DLG1: variants seen among roughly 807,000 people sequenced by gnomAD.
The protein encoded by DLG1 is discs large MAGUK scaffold protein 1, also known as disks large homolog 1.
In DLG1, 42 loss-of-function variants were observed where a neutral mutation model predicts 123.4. That is an observed-to-expected ratio of 0.34 (90% CI 0.27 to 0.44). The LOEUF is 0.44. Among genes scored for constraint, DLG1 ranks in the 20% least tolerant of loss-of-function variants. The pLI, the probability that DLG1 is intolerant of heterozygous loss-of-function variation, is 1.00. For missense variants in DLG1, 942 were observed against 1,082.6 expected (o/e 0.87, Z 1.82); for synonymous variants, 317 against 356.2 (o/e 0.89, Z 1.24).
Position 197,136,637 on chromosome 3 carries a change from T to C in DLG1, c.925A>G (p.Ile309Val). Reference sequence around the variant, plus strand: ...ACATAGATGCTATTATCCCCAGGAATATGCTGATTTCCAACACCTCCAGCA... The same window carrying C: ...ACATAGATGCTATTATCCCCAGGAACATGCTGATTTCCAACACCTCCAGCA... ...SIAGGVGNQH[I>V]PGDNSIYVTK... is the part of the protein sequence containing the mutation. Residue 309 changes from isoleucine to valine, a missense_variant, in exon 10 of 25, where the codon ATT becomes GTT. By Grantham distance (29) the Ile-to-Val change is conservative. Coordinates refer to ENST00000667157, the MANE Select transcript of DLG1 (RefSeq NM_001366207.1). 6.2e-7 allele frequency: 1 copy of C among 1,613,388 alleles called. No homozygotes were observed. Among genetic ancestry groups the C allele is most frequent in the Non-Finnish European group, 8.5e-7 (1 of 1,179,716 alleles).
intron 10 of DLG1, among the ~76,000 whole-genome samples, chr3:197,135,816 C>CT (rs11456320): frequency 0.33 from 47,920 of 147,312 alleles, 7,974 homozygotes; most frequent in South Asian, 0.41. Context: ...TATAATTAAA[C>CT]TTTTTTTTTT....
Position 197,073,762 on chromosome 3 carries a change from C to T in DLG1, c.2005+2824G>A, listed in dbSNP as rs908748400. On this transcript the variant is annotated intron_variant, in intron 18 of 24. Coordinates refer to ENST00000667157, the MANE Select transcript of DLG1 (RefSeq NM_001366207.1). Reference sequence around the variant, plus strand: ...TCTCTGTCTGCTCTTCAATTAAATACCCCATTTTTCATAGGTTGTGTGAAT... The same window carrying T: ...TCTCTGTCTGCTCTTCAATTAAATATCCCATTTTTCATAGGTTGTGTGAAT... 3.9e-5 allele frequency among the ~76,000 whole-genome samples: 6 copies of T among 152,102 alleles called. No individual in the cohort carries two copies. In the East Asian group the frequency reaches 9.6e-4, roughly 24 times the overall value.
intron 5 of DLG1, among the ~76,000 whole-genome samples, chr3:197,174,512 T>C (rs911593822): frequency 1.3e-5 from 2 of 152,222 alleles, no homozygotes; most frequent in African/African-American, 4.8e-5. Context: ...AAAAAGTGAT[T>C]AAAATGATAT....
chr3:197,247,414 C>T (rs1752268381), intron 4 of DLG1, among the ~76,000 whole-genome samples: 1 of 152,018 alleles, frequency 6.6e-6, no homozygotes, highest in African/African-American at 2.4e-5. Context: ...GTGGGCTGTT[C>T]AGGGGTAGAG....
chr3:197,185,294 A>C (rs1715198084), intron 5 of DLG1, among the ~76,000 whole-genome samples: 4 of 152,196 alleles, frequency 2.6e-5, no homozygotes, highest in Admixed American at 2.6e-4. Flanking sequence ...TACAATGTTG[A>C]GGTCCACTGC....
chr3:197,140,715 G>A (rs1787524928), intron 7 of DLG1, among the ~76,000 whole-genome samples: 1 of 152,150 alleles, frequency 6.6e-6, no homozygotes, highest in African/African-American at 2.4e-5. Context: ...TAAAAAAGGG[G>A]GTGGCGATGG....
intron 10 of DLG1, among the ~76,000 whole-genome samples, chr3:197,131,580 C>CT (rs1560911232): frequency 3.6e-4 from 43 of 120,668 alleles, no homozygotes; most frequent in Non-Finnish European, 5.4e-4. Flanking sequence ...TTATTTCTTC[C>CT]TTTCTTTTTT....
rs192885510 is a variant in DLG1 at position 197,227,554 on chromosome 3, C to G, written c.319-32965G>C. ...AATTATCAATTCATATATTTGTACT[C>G]AACAGCCTGGTCTCTGTATGCTTAG... On this transcript the variant is annotated intron_variant, in intron 4 of 24. Coordinates refer to ENST00000667157, the MANE Select transcript of DLG1 (RefSeq NM_001366207.1). Among the ~76,000 whole-genome samples, 32 of 152,276 alleles carry G rather than the reference C, an allele frequency of 2.1e-4. No homozygotes were observed. The East Asian group carries it at 6.2e-3, about 29-fold the overall frequency.
chr3:197,111,403 G>A (rs1431003684), intron 13 of DLG1, among the ~76,000 whole-genome samples: 1 of 152,164 alleles, frequency 6.6e-6, no homozygotes, highest in Non-Finnish European at 1.5e-5. Flanking sequence ...TAGGCTAAAC[G>A]AAAATTTATT....
chr3:197,068,049 ATATG>A (rs1180110298), intron 19 of DLG1, among the ~76,000 whole-genome samples: 2 of 152,230 alleles, frequency 1.3e-5, no homozygotes, highest in Non-Finnish European at 2.9e-5. Flanking sequence ...GGTTTATATT[ATATG>A]TATGTAGCTG....
At chr3:197,174,915 C>A (rs1316921521) in intron 5 of DLG1, among the ~76,000 whole-genome samples, 1 of 152,218 alleles carries the variant, frequency 6.6e-6, no homozygotes, top group African/African-American at 2.4e-5. Context: ...GTAACTTCTT[C>A]ACATTTCAAA....
At chr3:197,094,619 T>C (rs1759601696) in intron 14 of DLG1, among the ~76,000 whole-genome samples, 1 of 152,220 alleles carries the variant, frequency 6.6e-6, no homozygotes, top group South Asian at 2.1e-4. Flanking sequence ...TCATGTTATA[T>C]ACTCTCTTCC....
At chr3:197,223,995 A>G (rs1050104957) in intron 4 of DLG1, among the ~76,000 whole-genome samples, 2 of 151,944 alleles carry the variant, frequency 1.3e-5, no homozygotes, top group African/African-American at 4.8e-5. Context: ...ATTTTTAAAA[A>G]CTCTATCCAC....
At chr3:197,095,352 C>G (rs994769402) in intron 14 of DLG1, among the ~76,000 whole-genome samples, 5 of 152,006 alleles carry the variant, frequency 3.3e-5, no homozygotes, top group Non-Finnish European at 5.9e-5. Flanking sequence ...GGATCCATTT[C>G]AAAGTCATTT....
rs78225142 is a variant in DLG1 at position 197,105,075 on chromosome 3, C to A, written c.1444-70G>T. 6 of 986,282 alleles carry A rather than the reference C, an allele frequency of 6.1e-6. No individual in the cohort carries two copies. In the African/African-American group the frequency reaches 6.7e-5, roughly 11 times the overall value. 61.1% of individuals were successfully genotyped at this position (986,282 alleles called of 1,614,324 possible). On this transcript the variant is annotated intron_variant, in intron 13 of 24. Transcript: ENST00000667157. The stretch of plus-strand genomic sequence containing the variant: ...TGATTAGAAATCACAATAGTCTATT[C>A]TTTGAGTAAGCATGTATTAAAAAAT...
intron 8 of DLG1, among the ~76,000 whole-genome samples, chr3:197,139,221 G>T (rs1040318075): frequency 6.6e-6 from 1 of 152,134 alleles, no homozygotes; most frequent in Non-Finnish European, 1.5e-5. Flanking sequence ...AAATTGGGTA[G>T]AGAGGGTAAA....
intron 16 of DLG1, chr3:197,085,204 G>A (rs1753607477): frequency 5.4e-6 from 1 of 184,516 alleles, no homozygotes; most frequent in African/African-American, 2.4e-5. Flanking sequence ...TACCTCACCT[G>A]GTTGCCTTTT....
chr3:197,161,481 T>C (rs765371900), intron 5 of DLG1, among the ~76,000 whole-genome samples: 24 of 152,318 alleles, frequency 1.6e-4, no homozygotes, highest in Non-Finnish European at 2.6e-4. Context: ...ACTCCACTTA[T>C]ATTAAATCCC....
chr3:197,057,884 T>C (rs924922428), intron 23 of DLG1, among the ~76,000 whole-genome samples: 3 of 152,204 alleles, frequency 2.0e-5, no homozygotes, highest in African/African-American at 7.2e-5. Flanking sequence ...GAGAACACTT[T>C]TGGCTTTGTT....
Sources: gnomAD v4.1 joint callset for allele counts (sites outside exome capture counted in the v4.1 genomes callset) on GRCh38, gnomAD v4.1.1 for gene constraint, MANE v1.5 for transcripts, NCBI Gene and HGNC (gene_info 2026-07-23, HGNC 2026-07-21) for gene names.